Variants in TRMT61B observed in about 807,000 individuals in gnomAD.
TRMT61B encodes tRNA (adenine(58)-N(1))-methyltransferase, mitochondrial.
Under a neutral mutation model 52.0 loss-of-function variants are expected in TRMT61B, and 56 were observed. That is an observed-to-expected ratio of 1.08 (90% CI 0.87 to 1.35). The LOEUF (loss-of-function observed/expected upper bound fraction) is 1.35, where lower values mean the gene tolerates loss of function less well. Ranked by LOEUF, TRMT61B falls within the 40% of genes most tolerant of loss-of-function variation. The pLI, the probability that TRMT61B is intolerant of heterozygous loss-of-function variation, is 0.00. For synonymous variants in TRMT61B, 206 were observed against 220.0 expected (o/e 0.94, Z 0.56); for missense variants, 650 against 577.9 (o/e 1.12, Z -1.28).
At position 28,869,785 on chromosome 2, in the gene TRMT61B, C is replaced by A; in HGVS notation, c.493G>T (p.Glu165Ter). ...CTAAATAATTTCTTAAATTTTGTTT[C>A]TCCCTCCCCAGTCTCAGCTAAAATC... Reference protein sequence around the residue: ...ELILAETGEGETKFKKLFRLN... With the variant: ...ELILAETGEG Residue 165 changes from glutamate (E) to a stop codon, truncating the protein, a stop_gained, in exon 1 of 7, where the codon GAA (glutamate) becomes TAA (stop). Transcript: ENST00000306108. LOFTEE classifies it high-confidence loss of function. 1 of 1,614,162 alleles carries A rather than the reference C, an allele frequency of 6.2e-7. No individual in the cohort carries two copies. Among genetic ancestry groups the A allele is most frequent in the Non-Finnish European group, 8.5e-7 (1 of 1,180,016 alleles).
At position 28,869,677 on chromosome 2, in the gene TRMT61B, G is replaced by A. The variant is rs200742289; in HGVS notation, c.601C>T (p.Leu201=). The change falls in exon 1 of 7, where the codon CTG becomes TTG. Residue 201 remains leucine, a synonymous_variant. Coordinates refer to ENST00000306108, the MANE Select transcript of TRMT61B (RefSeq NM_017910.4). ...TACTGCTTACCGAAGGAACTCCTCA[G>A]TATCTGGCCGGGGAACTTCCCCACG... ...KIVGKFPGQI[L]RSSFGKQYML... 415 of 1,614,038 alleles carry A rather than the reference G, an allele frequency of 2.6e-4. No homozygotes were observed. Among genetic ancestry groups the A allele is most frequent in the Non-Finnish European group, 2.9e-4 (345 of 1,180,020 alleles).
chr2:28,869,705 C>G lies in TRMT61B; in HGVS notation c.573G>C (p.Lys191Asn), dbSNP rs529935902. The change falls in exon 1 of 7, where the codon AAG (lysine) becomes AAC (asparagine). Residue 191 changes from lysine (K) to asparagine (N), a missense_variant. By Grantham distance (94) the Lys-to-Asn change is moderately conservative (BLOSUM62 0). Coordinates refer to ENST00000306108, the MANE Select transcript of TRMT61B (RefSeq NM_017910.4). ...NSNWGAVPFGKIVGKFPGQIL... is the reference protein window; with the variant it reads ...NSNWGAVPFGNIVGKFPGQIL... Reference sequence around the variant, plus strand: ...TCTGGCCGGGGAACTTCCCCACGATCTTGCCGAACGGGACTGCCCCCCAGT... The same window carrying G: ...TCTGGCCGGGGAACTTCCCCACGATGTTGCCGAACGGGACTGCCCCCCAGT... The G allele has an allele frequency of 3.7e-6, 6 of 1,614,214 alleles. No homozygotes were observed. The South Asian group carries it at 5.5e-5, about 15-fold the overall frequency.
intron 5 of TRMT61B, chr2:28,850,637 T>C (rs185998283): frequency 2.6e-4 from 110 of 421,902 alleles, no homozygotes; most frequent in Middle Eastern, 2.6e-3. Context: ...ATAAATCAAC[T>C]GATACTTGAA....
chr2:28,861,296 C>G lies in TRMT61B; in HGVS notation c.815G>C (p.Gly272Ala). The G allele has an allele frequency of 6.3e-7, 1 of 1,581,822 alleles. No individual in the cohort carries two copies. Residue 272 changes from glycine to alanine, a missense_variant, in exon 3 of 7, where the codon GGA becomes GCA. Coordinates refer to ENST00000306108, the MANE Select transcript of TRMT61B (RefSeq NM_017910.4). The stretch of plus-strand genomic sequence containing the variant: ...TCGTACCTCAAAACTTATGACTCGT[C>G]CTTGTGATCCAACTTAAGTAAAAAA... ...LFLSKAVGSQ[G>A]RVISFEVRKD...
At chr2:28,861,777 T>G (rs997888211) in intron 2 of TRMT61B, 2 of 152,738 alleles carry the variant, frequency 1.3e-5, no homozygotes, top group Non-Finnish European at 2.9e-5. Flanking sequence ...ATCAAGCCAG[T>G]ATATCTCTAC....
At chr2:28,859,360 C>T (rs1193776681) in intron 3 of TRMT61B, among the ~76,000 whole-genome samples, 4 of 152,204 alleles carry the variant, frequency 2.6e-5, no homozygotes, top group African/African-American at 9.6e-5. Context: ...GGATTACAGG[C>T]GTGAGCCACT....
At position 28,870,295 on chromosome 2, in the gene TRMT61B, C is replaced by A; in HGVS notation, c.-18G>T. 6.6e-7 allele frequency: 1 copy of A among 1,521,368 alleles called. No individual in the cohort carries two copies. The highest frequency in any genetic ancestry group is 8.8e-7 in the Non-Finnish European group (1 of 1,138,574). The allele number at this position is 1,521,368 out of a possible 1,614,324, so 94.2% of individuals were successfully genotyped here. On this transcript the variant is annotated 5_prime_UTR_variant, in exon 1 of 7. Coordinates refer to ENST00000306108, the MANE Select transcript of TRMT61B (RefSeq NM_017910.4). Reference sequence around the variant, plus strand: ...ATTAGCATAGTGTTTCGCGAAGGCGCCGTCGCAGACGAGTGACGCAAGCCT... The same window carrying A: ...ATTAGCATAGTGTTTCGCGAAGGCGACGTCGCAGACGAGTGACGCAAGCCT...
rs148738364 is a variant in TRMT61B, at chr2:28,866,703, T to C, written c.700-1584A>G. On this transcript the variant is annotated intron_variant, in intron 1 of 6. Coordinates refer to ENST00000306108, the MANE Select transcript of TRMT61B (RefSeq NM_017910.4). ...GAAAAAAAAGAGACTATGCTATTAC[T>C]AGATTGGAGGACCCACTTGCCAAAC... Among the ~76,000 whole-genome samples the C allele has an allele frequency of 6.6e-4, 100 of 152,350 alleles. No individual in the cohort carries two copies. In the South Asian group the frequency reaches 0.013, roughly 19 times the overall value.
chr2:28,865,868 A>T (rs749471797), intron 1 of TRMT61B, among the ~76,000 whole-genome samples: 1 of 150,618 alleles, frequency 6.6e-6, no homozygotes, highest in Non-Finnish European at 1.5e-5. Flanking sequence ...TTTAGTGGAG[A>T]TGGGGTTTCA....
intron 4 of TRMT61B, among the ~76,000 whole-genome samples, chr2:28,852,007 A>C (rs1669128263): frequency 6.7e-6 from 1 of 150,334 alleles, no homozygotes; most frequent in Non-Finnish European, 1.5e-5. Flanking sequence ...TATACACTTT[A>C]TTCAGTTACA....
At chr2:28,855,293 T>A (rs565254594) in intron 3 of TRMT61B, among the ~76,000 whole-genome samples, 3 of 152,212 alleles carry the variant, frequency 2.0e-5, no homozygotes, top group Non-Finnish European at 4.4e-5. Flanking sequence ...TGAACTTTTT[T>A]AAAAAACTAT....
chr2:28,869,291 A>T (rs1331784137), intron 1 of TRMT61B, among the ~76,000 whole-genome samples: 1 of 152,178 alleles, frequency 6.6e-6, no homozygotes, highest in Non-Finnish European at 1.5e-5. Context: ...AGTACTTATT[A>T]TGTACGTAGT....
At position 28,855,675 on chromosome 2, in the gene TRMT61B, C is replaced by T. The variant is rs114848693; in HGVS notation, c.994-3176G>A. 7.6e-3 allele frequency among the ~76,000 whole-genome samples: 1,158 copies of T among 152,104 alleles called. 9 individuals are homozygous for T. The highest frequency in any genetic ancestry group is 0.022 in the African/African-American group (923 of 41,520). The stretch of plus-strand genomic sequence containing the variant: ...ACATGTATTTAAGATGCCTATTAAA[C>T]ATCCAAGTCAAGGCCAGGCATGGTG... On this transcript the variant is annotated intron_variant, in intron 3 of 6. Transcript: ENST00000306108.
intron 3 of TRMT61B, among the ~76,000 whole-genome samples, chr2:28,856,451 C>T (rs530755546): frequency 6.6e-6 from 1 of 152,246 alleles, no homozygotes; most frequent in East Asian, 1.9e-4. Flanking sequence ...AGTCTACTCT[C>T]CTACTTACAA....
At position 28,850,460 on chromosome 2, in the gene TRMT61B, T is replaced by C; in HGVS notation, c.1313-55A>G. 6 of 1,198,148 alleles carry C rather than the reference T, an allele frequency of 5.0e-6. No individual in the cohort carries two copies. The South Asian group carries it at 7.0e-5, about 14-fold the overall frequency. The allele number at this position is 1,198,148 out of a possible 1,614,324, so 74.2% of individuals were successfully genotyped here. A position where few individuals can be genotyped will look rare whatever the true frequency, so the allele number is the denominator to read the frequency against. On this transcript the variant is annotated intron_variant, in intron 5 of 6. Coordinates refer to ENST00000306108, the MANE Select transcript of TRMT61B (RefSeq NM_017910.4). ...CTACATAAAATATTTTCTATTTTTT[T>C]CACAAAACTGTTAAAATATGAGTTA...
At chr2:28,853,846 A>AAG (rs397733563) in intron 3 of TRMT61B, among the ~76,000 whole-genome samples, 22 of 151,782 alleles carry the variant, frequency 1.4e-4, no homozygotes, top group African/African-American at 5.3e-4. Flanking sequence ...AAAAAAAAAA[A>AAG]TCATATCCCT....
At chr2:28,857,007 C>T (rs1289072544) in intron 3 of TRMT61B, among the ~76,000 whole-genome samples, 2 of 152,108 alleles carry the variant, frequency 1.3e-5, no homozygotes, top group East Asian at 1.9e-4. Flanking sequence ...AATCTCAGCT[C>T]ACTGCACCCT....
intron 2 of TRMT61B, 179 bp from the exon 3 acceptor site, chr2:28,861,487 C>G (rs1669596381): frequency 5.4e-6 from 3 of 556,426 alleles, no homozygotes; most frequent in Middle Eastern, 4.7e-4. Flanking sequence ...TCAGAGGCAA[C>G]CACATTACCA....
chr2:28,858,794 CAAAAAAAAAAAAAAA>C (rs1033258916), intron 3 of TRMT61B, among the ~76,000 whole-genome samples: 2 of 23,586 alleles, frequency 8.5e-5, no homozygotes, highest in Admixed American at 5.5e-4. Flanking sequence ...GACTCCGTCT[CAAAAAAAAAAAAAAA>C]AAAAAAAAAA....
Sources: gnomAD v4.1 joint callset for allele counts (sites outside exome capture counted in the v4.1 genomes callset) on GRCh38, gnomAD v4.1.1 for gene constraint, MANE v1.5 for transcripts, NCBI Gene and HGNC (gene_info 2026-07-23, HGNC 2026-07-21) for gene names.